PXDN: variants seen among roughly 807,000 people sequenced by gnomAD.
PXDN encodes peroxidasin homolog.
In PXDN, 77 loss-of-function variants were observed where a neutral mutation model predicts 140.3. That is an observed-to-expected ratio of 0.55 (90% CI 0.46 to 0.66). The LOEUF (loss-of-function observed/expected upper bound fraction) is 0.66, where lower values mean the gene tolerates loss of function less well. Among genes scored for constraint, PXDN ranks in the 30% least tolerant of loss-of-function variants. The probability of loss-of-function intolerance (pLI) is 0.00; values close to 1 mark genes in which losing one functional copy is unlikely to be tolerated. For synonymous variants in PXDN, 911 were observed against 857.4 expected, an observed-to-expected ratio of 1.06 and a Z score of -1.09; for missense variants, 1,838 against 2,039.5, an observed-to-expected ratio of 0.90 and a Z score of 1.90.
In PXDN at chr2:1,683,747, A is replaced by G; in HGVS notation, c.489-20T>C. The G allele has an allele frequency of 1.3e-6, 2 of 1,565,198 alleles. No individual in the cohort carries two copies. The highest frequency in any genetic ancestry group is 1.7e-6 in the Non-Finnish European group (2 of 1,149,730). ...AAAAATCTGTTGAAAGAGATTTTAT[A>G]ACAAACCAATTTTGAAAAATATTTC... On this transcript the variant is annotated intron_variant, in intron 5 of 22. Coordinates refer to ENST00000252804, the MANE Select transcript of PXDN (RefSeq NM_012293.3).
chr2:1,653,668 C>T lies in PXDN; in HGVS notation c.2064G>A (p.Glu688=). The change falls in exon 16 of 23, where the codon GAG becomes GAA. Residue 688 remains glutamate, a synonymous_variant. Transcript: ENST00000252804. ...IFERTLQLIQ[E]HVQHGLMVDL... is the part of the protein sequence containing the mutation. ...CGACCATCAAGCCATGCTGTACATG[C>T]TCCTGAATGAGCTGCAATGTCCGTT... is the stretch of plus-strand genomic sequence containing the variant. 6.2e-7 allele frequency: 1 copy of T among 1,612,534 alleles called. No individual in the cohort carries two copies. Among genetic ancestry groups the T allele is most frequent in the Middle Eastern group, 1.6e-4 (1 of 6,062 alleles).
At chr2:1,652,600 C>T (rs558780895) in intron 16 of PXDN, among the ~76,000 whole-genome samples, 2 of 152,044 alleles carry the variant, frequency 1.3e-5, no homozygotes, top group South Asian at 2.1e-4. Flanking sequence ...CCCCCACCCC[C>T]GCCCCCAGCC....
At chr2:1,653,602 G>A (rs1242170934) in intron 16 of PXDN, 26 bp downstream of exon 16, 1 of 1,610,408 alleles carries the variant, frequency 6.2e-7, no homozygotes, top group Non-Finnish European at 8.5e-7. Context: ...GGCCATGGAG[G>A]AGGAAGAAAA....
intron 1 of PXDN, among the ~76,000 whole-genome samples, chr2:1,706,398 C>G (rs71440677): frequency 0.094 from 14,112 of 150,762 alleles, 829 homozygotes; most frequent in Middle Eastern, 0.17. Flanking sequence ...TTACATCCTG[C>G]TGGCATTGCC....
At chr2:1,670,067 T>C (rs1683538774) in intron 9 of PXDN, among the ~76,000 whole-genome samples, 1 of 152,206 alleles carries the variant, frequency 6.6e-6, no homozygotes, top group East Asian at 1.9e-4. Context: ...AATACATTGA[T>C]TACAGGGCTC....
intron 19 of PXDN, among the ~76,000 whole-genome samples, chr2:1,641,075 A>G (rs1682717197): frequency 6.6e-6 from 1 of 152,376 alleles, no homozygotes; most frequent in Non-Finnish European, 1.5e-5. Flanking sequence ...CAGACCCCAC[A>G]CAGCACTTGT....
intron 1 of PXDN, among the ~76,000 whole-genome samples, chr2:1,694,914 C>T (rs958953176): frequency 6.6e-6 from 1 of 152,204 alleles, no homozygotes; most frequent in Non-Finnish European, 1.5e-5. Context: ...ACCTGAGACA[C>T]AGCAAGCTGA....
At chr2:1,656,973 C>G (rs1200707333) in intron 14 of PXDN, among the ~76,000 whole-genome samples, 35 of 150,412 alleles carry the variant, frequency 2.3e-4, no homozygotes, top group Admixed American at 2.3e-3. Flanking sequence ...CCCCTCCTGA[C>G]TGGGTTCTAC....
chr2:1,716,681 G>T (rs1049627063), intron 1 of PXDN, among the ~76,000 whole-genome samples: 1 of 152,096 alleles, frequency 6.6e-6, no homozygotes, highest in African/African-American at 2.4e-5. Flanking sequence ...GCAATCACGT[G>T]GTGGGGCCCA....
In PXDN at chr2:1,666,437, C is replaced by T; in HGVS notation, c.1068G>A (p.Gly356=). The part of the protein sequence containing the change: ...IQPQNTEVLV[G]ESVTLECSAT... The stretch of plus-strand genomic sequence containing the variant: ...CGCTGCACTCCAGCGTGACGCTCTC[C>T]CCAACCAGCACCTCTGTATTCTGTG... The change falls in exon 10 of 23, where the codon GGG becomes GGA. Residue 356 remains glycine, a synonymous_variant. Transcript: ENST00000252804. The T allele has an allele frequency of 6.2e-7, 1 of 1,612,916 alleles. No individual in the cohort carries two copies. Among genetic ancestry groups the T allele is most frequent in the South Asian group, 1.1e-5 (1 of 90,912 alleles).
In PXDN at chr2:1,675,973, G is replaced by A. The variant is rs1451296508; in HGVS notation, c.848+954C>T. 3.9e-5 allele frequency among the ~76,000 whole-genome samples: 6 copies of A among 152,168 alleles called. No homozygotes were observed. In the East Asian group the frequency reaches 1.2e-3, roughly 29 times the overall value. ...GCTGTCCTCACGCAGGCAGATGGGA[G>A]AAGGTAGGACATGGTGGCTTTACTT... On this transcript the variant is annotated intron_variant, in intron 8 of 22. Coordinates refer to ENST00000252804, the MANE Select transcript of PXDN (RefSeq NM_012293.3).
intron 1 of PXDN, among the ~76,000 whole-genome samples, chr2:1,717,376 C>T (rs78667669): frequency 0.15 from 22,368 of 152,108 alleles, 2,122 homozygotes; most frequent in East Asian, 0.31. Flanking sequence ...GCCTCTCGCC[C>T]GGGGCTATCT....
intron 4 of PXDN, 150 bp from the exon 5 acceptor site, chr2:1,684,301 A>G: frequency 1.5e-6 from 1 of 658,800 alleles, no homozygotes; most frequent in African/African-American, 1.8e-5. Context: ...AACAATACAT[A>G]AAATTATCAA....
At chr2:1,654,257 A>G (rs1207137172) in intron 15 of PXDN, 143 bp downstream of exon 15, 5 of 605,164 alleles carry the variant, frequency 8.3e-6, no homozygotes, top group Non-Finnish European at 1.4e-5. Context: ...CATGTTGTTC[A>G]TGATTTTTAA....
rs776406074 is a variant in PXDN at position 1,649,393 on chromosome 2, C to T, written c.2387G>A (p.Arg796His). 2.5e-6 allele frequency: 4 copies of T among 1,613,736 alleles called. No homozygotes were observed. Among genetic ancestry groups the T allele is most frequent in the South Asian group, 1.1e-5 (1 of 91,078 alleles). The part of the protein sequence containing the change: ...LYNGHALPMP[R>H]LVSTTLIGTE... ...CCCGATCAGGGTGGTGGACACCAGG[C>T]GCGGCATGGGAAGGGCGTGCCCGTT... is the stretch of plus-strand genomic sequence containing the variant. Residue 796 changes from arginine (R) to histidine (H), a missense_variant, in exon 17 of 23, where the codon CGC becomes CAC. Arg to His is a conservative substitution (Grantham distance 29). Coordinates refer to ENST00000252804, the MANE Select transcript of PXDN (RefSeq NM_012293.3). This position sits in a 1 kb window ranked among gnomAD's most constrained non-coding sequence, Gnocchi z 7.1.
At chr2:1,735,433 C>G (rs183005886) in intron 1 of PXDN, among the ~76,000 whole-genome samples, 3 of 152,276 alleles carry the variant, frequency 2.0e-5, no homozygotes, top group East Asian at 3.9e-4. Context: ...AAATTAGTCC[C>G]TAATTCATGG....
chr2:1,740,754 G>A (rs753802932), intron 1 of PXDN, among the ~76,000 whole-genome samples: 13 of 152,202 alleles, frequency 8.5e-5, no homozygotes, highest in Admixed American at 2.0e-4. Flanking sequence ...TTCCGGTCTC[G>A]TTTTCTGTGG....
chr2:1,716,602 C>T (rs1443581913), intron 1 of PXDN, among the ~76,000 whole-genome samples: 2 of 152,140 alleles, frequency 1.3e-5, no homozygotes, highest in Admixed American at 1.3e-4. Context: ...GGGACACCCT[C>T]TACCTGGGGC....
chr2:1,650,113 G>T (rs7594023), intron 16 of PXDN, among the ~76,000 whole-genome samples: 1 of 152,128 alleles, frequency 6.6e-6, no homozygotes, highest in African/African-American at 2.4e-5. Context: ...ACAGGCTGCC[G>T]AGCAGGGCAT....
Sources: gnomAD v4.1 joint callset for allele counts (sites outside exome capture counted in the v4.1 genomes callset) on GRCh38, gnomAD v4.1.1 for gene constraint, Gnocchi (gnomAD v3.1) non-coding constraint, MANE v1.5 for transcripts, NCBI Gene and HGNC (gene_info 2026-07-23, HGNC 2026-07-21) for gene names.